CLVS1: variants seen among roughly 807,000 people sequenced by gnomAD.
The protein encoded by CLVS1 is clavesin-1.
In CLVS1, 10 loss-of-function variants were observed where a neutral mutation model predicts 33.1. The ratio of observed to expected loss-of-function variants is 0.30; its 90% CI spans 0.19 to 0.51. The LOEUF (loss-of-function observed/expected upper bound fraction) is 0.51. Among genes scored for constraint, CLVS1 ranks in the 20% least tolerant of loss-of-function variants. The pLI is 0.97. For missense variants in CLVS1, 343 were observed against 433.4 expected (o/e 0.79, Z 1.85); for synonymous variants, 163 against 166.1 (o/e 0.98, Z 0.14).
chr8:60,976,097 A>G, the CLVS1 span, among the ~76,000 whole-genome samples: 1 of 152,160 alleles, frequency 6.6e-6, no homozygotes, highest in Non-Finnish European at 1.5e-5. Context: ...TTGATCTTTC[A>G]ATTCTGACCT....
Position 61,501,362 on chromosome 8 carries a change from C to CTT in CLVS1, c.*1821_*1822dup, listed in dbSNP as rs1304353633. On this transcript the variant is annotated 3_prime_UTR_variant, in exon 6 of 6. Transcript: ENST00000325897. ...ATTTCTAGCTTTTCAATTGGCAATA[C>CTT]TTAGAACCTTACTGTAGTGACCTGA... is the stretch of plus-strand genomic sequence containing the variant. 3.9e-5 allele frequency: 6 copies of CTT among 152,120 alleles called. No individual in the cohort carries two copies. The highest frequency in any genetic ancestry group is 2.0e-4 in the Admixed American group (3 of 15,272). 9.4% of individuals were successfully genotyped at this position (152,120 alleles called of 1,614,324 possible). A position where few individuals can be genotyped will look rare whatever the true frequency, so the allele number is the denominator to read the frequency against.
intron 2 of CLVS1, among the ~76,000 whole-genome samples, chr8:61,234,203 G>T (rs942572081): frequency 1.3e-5 from 2 of 152,114 alleles, no homozygotes; most frequent in African/African-American, 2.4e-5. Flanking sequence ...CTGTGGCCAG[G>T]GGGTAGAGAA....
chr8:61,119,588 C>T (rs1459566422), intron 1 of CLVS1, among the ~76,000 whole-genome samples: 4 of 150,180 alleles, frequency 2.7e-5, no homozygotes, highest in Non-Finnish European at 5.9e-5. Flanking sequence ...AATCTCTCAG[C>T]ATTTGCTTGT....
At chr8:60,984,433 G>GCC in the CLVS1 span, among the ~76,000 whole-genome samples, 2 of 151,196 alleles carry the variant, frequency 1.3e-5, no homozygotes, top group Admixed American at 1.3e-4. Flanking sequence ...TGATTCTCCA[G>GCC]CCTCAGCCTC....
the CLVS1 span, among the ~76,000 whole-genome samples, chr8:60,998,118 G>A: frequency 6.6e-6 from 1 of 152,138 alleles, no homozygotes; most frequent in Admixed American, 6.6e-5. Flanking sequence ...GTAGTTGAGT[G>A]CTCCCTCAAG....
chr8:61,436,240 A>G (rs1585971898), intron 3 of CLVS1, among the ~76,000 whole-genome samples: 1 of 152,202 alleles, frequency 6.6e-6, no homozygotes, highest in African/African-American at 2.4e-5. Flanking sequence ...ATGCACTGCA[A>G]TGTATCTCAT....
chr8:61,336,749 A>C (rs1811821368), intron 2 of CLVS1, among the ~76,000 whole-genome samples: 1 of 152,228 alleles, frequency 6.6e-6, no homozygotes, highest in South Asian at 2.1e-4. Flanking sequence ...AAGCAAGGTA[A>C]AGATAGAAAA....
chr8:61,249,765 TG>T lies in CLVS1; in HGVS notation c.-151-49911del, dbSNP rs1808893667. Among the ~76,000 whole-genome samples, 11 of 152,336 alleles carry T rather than the reference TG, an allele frequency of 7.2e-5. 1 individual carries two copies. In the South Asian group the frequency reaches 1.2e-3, roughly 17 times the overall value. On this transcript the variant is annotated intron_variant, in intron 2 of 2. Transcript: ENST00000522621. ...TCCTTTGCCCAGTTTTTGATGGGGT[TG>T]TTTTTTTCCTGTAAATTTGTTTAAG...
In CLVS1 at chr8:61,409,194, G is replaced by A. The variant is rs185934778; in HGVS notation, c.630+32415G>A. On this transcript the variant is annotated intron_variant, in intron 3 of 5. Coordinates refer to ENST00000325897, the MANE Select transcript of CLVS1 (RefSeq NM_173519.3). ...TTTTGAATAGGTAATCCATTCACAA[G>A]GCATATAAATCAAAATGATATAAAG... Among the ~76,000 whole-genome samples, 357 of 152,228 alleles carry A rather than the reference G, an allele frequency of 2.3e-3. 3 individuals are homozygous for A. Among genetic ancestry groups the A allele is most frequent in the African/African-American group, 7.8e-3 (323 of 41,542 alleles).
chr8:61,428,567 G>T (rs947198498), intron 3 of CLVS1, among the ~76,000 whole-genome samples: 2 of 152,196 alleles, frequency 1.3e-5, no homozygotes, highest in African/African-American at 4.8e-5. Flanking sequence ...GCTTCATGGA[G>T]GGCATGTGGC....
In CLVS1 at chr8:61,208,753, A is replaced by T. The variant is rs1008987761; in HGVS notation, c.-152+76893A>T. Among the ~76,000 whole-genome samples, 3 of 152,094 alleles carry T rather than the reference A, an allele frequency of 2.0e-5. No homozygotes were observed. The South Asian group carries it at 6.2e-4, about 32-fold the overall frequency. On this transcript the variant is annotated intron_variant, in intron 2 of 2. Transcript: ENST00000522621. ...CAGGCACGCGCCACCACGCCCAGCT[A>T]ATTTTTGTATTTTTGGTAGAGATGG...
chr8:61,378,697 C>T (rs1488148329), intron 3 of CLVS1, among the ~76,000 whole-genome samples: 2 of 152,212 alleles, frequency 1.3e-5, no homozygotes, highest in Non-Finnish European at 2.9e-5. Context: ...GCTGAGGAAG[C>T]ACTCAGGGCT....
At chr8:61,208,003 G>A (rs975267479) in intron 2 of CLVS1, among the ~76,000 whole-genome samples, 8 of 152,218 alleles carry the variant, frequency 5.3e-5, no homozygotes, top group South Asian at 4.1e-4. Flanking sequence ...AAAGCGAGGA[G>A]CAAATGGTGG....
chr8:61,093,847 T>C (rs915097239), intron 1 of CLVS1, among the ~76,000 whole-genome samples: 1 of 152,222 alleles, frequency 6.6e-6, no homozygotes, highest in Admixed American at 6.5e-5. Context: ...GTGTCACAAC[T>C]ACTATGGTGA....
chr8:61,376,877 A>G (rs1813666973), intron 3 of CLVS1, 98 bp downstream of exon 3: 1 of 1,157,600 alleles, frequency 8.6e-7, no homozygotes, highest in Non-Finnish European at 1.2e-6. Context: ...GGAGTGGAAA[A>G]AGGAAACTTG....
chr8:61,150,315 G>A (rs867792626), intron 2 of CLVS1, among the ~76,000 whole-genome samples: 62 of 152,208 alleles, frequency 4.1e-4, no homozygotes, highest in Admixed American at 3.1e-3. Context: ...AAGCTACACA[G>A]AGAGCCAGGG....
intron 5 of CLVS1, among the ~76,000 whole-genome samples, chr8:61,492,610 T>C (rs1483136903): frequency 6.6e-6 from 1 of 152,188 alleles, no homozygotes; most frequent in East Asian, 1.9e-4. Context: ...ACATGAGTTA[T>C]AGTACATATA....
intron 2 of CLVS1, among the ~76,000 whole-genome samples, chr8:61,160,621 AT>A (rs5891793): frequency 0.34 from 52,029 of 151,376 alleles, 11,747 homozygotes; most frequent in Middle Eastern, 0.53. Flanking sequence ...TTGTTAAGAG[AT>A]TTTTTTTTTC....
In CLVS1 at chr8:61,176,550, T is replaced by C. The variant is rs189645446; in HGVS notation, c.-152+44690T>C. Among the ~76,000 whole-genome samples, 560 of 152,270 alleles carry C rather than the reference T, an allele frequency of 3.7e-3. 3 individuals carry two copies. Among genetic ancestry groups the C allele is most frequent in the Non-Finnish European group, 5.8e-3 (394 of 68,014 alleles). On this transcript the variant is annotated intron_variant, in intron 2 of 2. Transcript: ENST00000522621. ...AAAAGAAGAGGGGGCAGGACCAAGA[T>C]GGCTGACTAGAAGCAGTGGTGGTCA...
Sources: allele counts gnomAD v4.1 joint callset (sites outside exome capture counted in the v4.1 genomes callset), GRCh38; gene constraint gnomAD v4.1.1; transcripts MANE v1.5; gene names NCBI Gene and HGNC (gene_info 2026-07-23, HGNC 2026-07-21).